MAN1A1: variants seen among roughly 807,000 people sequenced by gnomAD.
MAN1A1 encodes mannosyl-oligosaccharide 1,2-alpha-mannosidase IA.
MAN1A1 carries 29 observed loss-of-function variants against 70.8 expected under a neutral mutation model. The observed-to-expected ratio is 0.41, with a 90% CI of 0.31 to 0.56. The LOEUF (loss-of-function observed/expected upper bound fraction) is 0.56. Ranked by LOEUF, MAN1A1 falls within the 20% of genes least tolerant of loss-of-function variation. The probability of loss-of-function intolerance (pLI) is 0.29; values close to 1 mark genes in which losing one functional copy is unlikely to be tolerated. For synonymous variants in MAN1A1, 349 were observed against 330.1 expected (o/e 1.06, Z -0.62); for missense variants, 747 against 841.3 (o/e 0.89, Z 1.39).
intron 6 of MAN1A1, among the ~76,000 whole-genome samples, chr6:119,206,577 A>G (rs1253760978): frequency 1.3e-5 from 2 of 152,202 alleles, no homozygotes; most frequent in African/African-American, 2.4e-5. Context: ...ATATTCATTT[A>G]TTTTACAAAA....
chr6:119,291,226 T>C (rs540729621), intron 4 of MAN1A1, among the ~76,000 whole-genome samples: 2 of 152,082 alleles, frequency 1.3e-5, no homozygotes, highest in Non-Finnish European at 2.9e-5. Context: ...CTGCACAAGC[T>C]CTTTCTCTCT....
intron 5 of MAN1A1, among the ~76,000 whole-genome samples, chr6:119,276,163 T>C (rs1454503826): frequency 2.6e-5 from 4 of 152,216 alleles, no homozygotes; most frequent in Admixed American, 2.6e-4. Context: ...TTGACCCTTC[T>C]ATGTTATTCA....
intron 4 of MAN1A1, among the ~76,000 whole-genome samples, chr6:119,297,424 C>A (rs973906131): frequency 1.3e-5 from 2 of 152,150 alleles, no homozygotes; most frequent in Non-Finnish European, 2.9e-5. Flanking sequence ...AATTAGTAAT[C>A]TAATATTAAG....
At chr6:119,266,835 G>A (rs1775771196) in intron 5 of MAN1A1, among the ~76,000 whole-genome samples, 1 of 152,122 alleles carries the variant, frequency 6.6e-6, no homozygotes, top group South Asian at 2.1e-4. Context: ...TGCAAAACAT[G>A]TATCTAATAA....
chr6:119,337,163 A>C (rs1773475031), intron 2 of MAN1A1, among the ~76,000 whole-genome samples: 1 of 152,154 alleles, frequency 6.6e-6, no homozygotes, highest in African/African-American at 2.4e-5. Flanking sequence ...TCATTTTATA[A>C]ATCATTCTGG....
intron 6 of MAN1A1, among the ~76,000 whole-genome samples, chr6:119,213,521 A>G (rs1774108282): frequency 6.6e-6 from 1 of 152,246 alleles, no homozygotes. Context: ...ACTACAACGA[A>G]GTCAATGTGT....
intron 10 of MAN1A1, 141 bp from the exon 11 acceptor site, chr6:119,188,718 T>A: frequency 1.4e-6 from 1 of 715,036 alleles, no homozygotes; most frequent in Non-Finnish European, 2.3e-6. Context: ...GATAACAAAA[T>A]CCATGGATCC....
intron 2 of MAN1A1, among the ~76,000 whole-genome samples, chr6:119,337,242 C>T (rs1773477005): frequency 6.6e-6 from 1 of 151,712 alleles, no homozygotes; most frequent in Non-Finnish European, 1.5e-5. Flanking sequence ...AGGTCTGATT[C>T]TAAATGACTT....
At chr6:119,274,517 AC>A (rs1776002689) in intron 5 of MAN1A1, among the ~76,000 whole-genome samples, 1 of 152,240 alleles carries the variant, frequency 6.6e-6, no homozygotes, top group African/African-American at 2.4e-5. Flanking sequence ...ACAAGGTATT[AC>A]CTTTTCCCTT....
At chr6:119,214,219 C>T (rs1774133850) in intron 6 of MAN1A1, among the ~76,000 whole-genome samples, 1 of 152,066 alleles carries the variant, frequency 6.6e-6, no homozygotes, top group Admixed American at 6.6e-5. Flanking sequence ...CCACCTCGGC[C>T]TCCCAAAGTG....
intron 2 of MAN1A1, among the ~76,000 whole-genome samples, chr6:119,325,091 T>C (rs1270182545): frequency 6.6e-6 from 1 of 152,178 alleles, no homozygotes; most frequent in Non-Finnish European, 1.5e-5. Flanking sequence ...CACTATATAG[T>C]AGTTACAATT....
chr6:119,196,325 T>A (rs1773568047), intron 8 of MAN1A1, among the ~76,000 whole-genome samples: 1 of 146,758 alleles, frequency 6.8e-6, no homozygotes. Context: ...AATTTCACAT[T>A]AAAAAAAAAA....
At chr6:119,309,309 T>A (rs1489601606) in intron 2 of MAN1A1, among the ~76,000 whole-genome samples, 2 of 152,224 alleles carry the variant, frequency 1.3e-5, no homozygotes, top group Admixed American at 6.5e-5. Flanking sequence ...AAGTCACATA[T>A]AAAATCAACT....
At chr6:119,256,932 G>C (rs1775476195) in intron 5 of MAN1A1, among the ~76,000 whole-genome samples, 1 of 152,178 alleles carries the variant, frequency 6.6e-6, no homozygotes. Flanking sequence ...AGGAAGGTAA[G>C]TCAGCCATAT....
At chr6:119,269,577 GA>G in intron 5 of MAN1A1, 1 of 189,712 alleles carries the variant, frequency 5.3e-6, no homozygotes, top group Non-Finnish European at 1.1e-5. Flanking sequence ...TGTTTCTGTG[GA>G]AAGTGCCAAA....
intron 2 of MAN1A1, among the ~76,000 whole-genome samples, chr6:119,333,851 C>T (rs1773383464): frequency 6.6e-6 from 1 of 152,160 alleles, no homozygotes; most frequent in Non-Finnish European, 1.5e-5. Flanking sequence ...AGTGCCTTTA[C>T]CTTATAAAAA....
intron 2 of MAN1A1, among the ~76,000 whole-genome samples, chr6:119,348,262 G>A (rs999932948): frequency 8.5e-5 from 13 of 152,214 alleles, no homozygotes; most frequent in African/African-American, 2.9e-4. Context: ...AACGAGATTT[G>A]ACCTTAGATC....
chr6:119,313,498 C>T (rs923080189), intron 2 of MAN1A1, among the ~76,000 whole-genome samples: 5 of 152,078 alleles, frequency 3.3e-5, no homozygotes, highest in Admixed American at 6.5e-5. Flanking sequence ...TCTCTCTTTC[C>T]CAAAGGCTGT....
intron 5 of MAN1A1, among the ~76,000 whole-genome samples, chr6:119,287,278 T>C (rs1020055744): frequency 1.3e-5 from 2 of 152,116 alleles, no homozygotes; most frequent in African/African-American, 4.8e-5. Flanking sequence ...TCTTCAGCCC[T>C]CTCTCTGATT....
Sources: gnomAD v4.1 joint callset for allele counts (sites outside exome capture counted in the v4.1 genomes callset) on GRCh38, gnomAD v4.1.1 for gene constraint, MANE v1.5 for transcripts, NCBI Gene and HGNC (gene_info 2026-07-23, HGNC 2026-07-21) for gene names.